The following CENPP variants were observed in gnomAD, a reference collection of about 807,000 sequenced individuals.
CENPP encodes centromere protein P.
CENPP carries 24 observed loss-of-function variants against 35.6 expected under a neutral mutation model. The ratio of observed to expected loss-of-function variants is 0.67; its 90% CI spans 0.49 to 0.95. CENPP has a LOEUF of 0.95. Ranked by LOEUF, CENPP falls within the 40% of genes least tolerant of loss-of-function variation. The pLI, the probability that CENPP is intolerant of heterozygous loss-of-function variation, is 0.00. For synonymous variants in CENPP, 120 were observed against 125.5 expected (o/e 0.96, Z 0.29); for missense variants, 332 against 345.3 (o/e 0.96, Z 0.31).
At chr9:92,493,962 G>C in intron 5 of CENPP, 1 of 815,938 alleles carries the variant, frequency 1.2e-6, no homozygotes, top group Non-Finnish European at 1.9e-6. Context: ...AGGCCGTTGA[G>C]GGTGGCCGTA....
At chr9:92,375,754 T>C (rs549998540) in intron 4 of CENPP, among the ~76,000 whole-genome samples, 1 of 152,200 alleles carries the variant, frequency 6.6e-6, no homozygotes, top group African/African-American at 2.4e-5. Context: ...CTTTGTTCTC[T>C]TGATTTTCTT....
intron 5 of CENPP, among the ~76,000 whole-genome samples, chr9:92,579,879 C>T (rs1850376675): frequency 6.8e-6 from 1 of 147,634 alleles, no homozygotes; most frequent in Admixed American, 6.7e-5. Flanking sequence ...TGTCTTGTGC[C>T]AGTTTTCAAA....
intron 5 of CENPP, among the ~76,000 whole-genome samples, chr9:92,453,926 C>T (rs941345469): frequency 3.3e-5 from 5 of 151,758 alleles, no homozygotes; most frequent in African/African-American, 1.2e-4. Context: ...TTGAGACCAG[C>T]CTGGACAATT....
chr9:92,457,317 T>G, intron 5 of CENPP: 3 of 1,613,998 alleles, frequency 1.9e-6, no homozygotes, highest in Non-Finnish European at 1.7e-6. Context: ...AGCTGAACGC[T>G]CATTCTGCTC....
At chr9:92,349,803 A>G (rs1441512871) in intron 4 of CENPP, among the ~76,000 whole-genome samples, 1 of 152,248 alleles carries the variant, frequency 6.6e-6, no homozygotes, top group East Asian at 1.9e-4. Flanking sequence ...TCATGCTGCT[A>G]CAAACATTCA....
intron 5 of CENPP, among the ~76,000 whole-genome samples, chr9:92,533,350 T>A (rs1275792258): frequency 3.8e-4 from 47 of 122,986 alleles, no homozygotes; most frequent in African/African-American, 1.4e-3. Flanking sequence ...TATATATATA[T>A]ATATATATGC....
At position 92,614,632 on chromosome 9, in the gene CENPP, T is replaced by A. The variant is rs1202825660; in HGVS notation, c.*1483T>A. 1 of 152,644 alleles carries A rather than the reference T, an allele frequency of 6.6e-6. No individual in the cohort carries two copies. 9.5% of individuals were successfully genotyped at this position (152,644 alleles called of 1,614,324 possible). A position where few individuals can be genotyped will look rare whatever the true frequency, so the allele number is the denominator to read the frequency against. On this transcript the variant is annotated 3_prime_UTR_variant, in exon 8 of 8. Transcript: ENST00000375587. ...AAAAATTTACAATCAGCAAAATAGT[T>A]TCCTTATTTCTCATGTATCATTTTC...
chr9:92,447,135 G>A (rs960138883), intron 5 of CENPP, among the ~76,000 whole-genome samples: 2 of 152,126 alleles, frequency 1.3e-5, no homozygotes, highest in Non-Finnish European at 2.9e-5. Flanking sequence ...CAGTTTTGTG[G>A]AATACAATTT....
chr9:92,437,813 G>A (rs922697341), intron 5 of CENPP, among the ~76,000 whole-genome samples: 2 of 151,658 alleles, frequency 1.3e-5, no homozygotes, highest in South Asian at 4.2e-4. Context: ...AGGCTGGAGT[G>A]CAGTGGCTCA....
chr9:92,558,010 A>G (rs1849764615), intron 5 of CENPP, among the ~76,000 whole-genome samples: 1 of 151,930 alleles, frequency 6.6e-6, no homozygotes, highest in Admixed American at 6.6e-5. Context: ...TCTTTAAGCT[A>G]TCTATTTCAT....
chr9:92,517,730 T>C (rs1166267704), intron 5 of CENPP: 3 of 1,614,200 alleles, frequency 1.9e-6, no homozygotes. Flanking sequence ...CAGGTATAAC[T>C]GTTTGGGGGC....
At chr9:92,610,159 G>A (rs920163428) in intron 5 of CENPP, among the ~76,000 whole-genome samples, 39 of 152,190 alleles carry the variant, frequency 2.6e-4, no homozygotes, top group African/African-American at 8.9e-4. Flanking sequence ...AGGTTTAAGC[G>A]ATTCTTCTGC....
At chr9:92,503,090 G>T (rs1846789811) in intron 5 of CENPP, among the ~76,000 whole-genome samples, 1 of 152,060 alleles carries the variant, frequency 6.6e-6, no homozygotes, top group South Asian at 2.1e-4. Flanking sequence ...TTACAGGAAA[G>T]TTGTCAAATT....
At chr9:92,343,160 A>G (rs913802675) in intron 3 of CENPP, among the ~76,000 whole-genome samples, 1 of 152,190 alleles carries the variant, frequency 6.6e-6, no homozygotes, top group South Asian at 2.1e-4. Flanking sequence ...ACTAAACATG[A>G]CCTCAAATCA....
chr9:92,368,009 G>T (rs1242821492), intron 4 of CENPP, among the ~76,000 whole-genome samples: 1 of 152,104 alleles, frequency 6.6e-6, no homozygotes, highest in African/African-American at 2.4e-5. Context: ...CTGGTAACTG[G>T]TATTTTGGTG....
At chr9:92,483,251 C>T (rs559774888) in intron 5 of CENPP, among the ~76,000 whole-genome samples, 146 of 148,750 alleles carry the variant, frequency 9.8e-4, no homozygotes, top group Admixed American at 4.7e-3. Flanking sequence ...TTTTTTGAGA[C>T]GGAGTCTCAC....
chr9:92,579,188 GT>G (rs1370761464), intron 5 of CENPP, among the ~76,000 whole-genome samples: 14 of 148,516 alleles, frequency 9.4e-5, no homozygotes, highest in African/African-American at 3.2e-4. Context: ...GTACCATGCT[GT>G]TTTGGTTACT....
chr9:92,412,824 T>A (rs912041583), intron 5 of CENPP, among the ~76,000 whole-genome samples: 2 of 152,192 alleles, frequency 1.3e-5, no homozygotes, highest in African/African-American at 4.8e-5. Context: ...ATACCACATT[T>A]TGTTTATCCA....
At chr9:92,549,251 T>A (rs771501180) in intron 5 of CENPP, among the ~76,000 whole-genome samples, 2 of 152,132 alleles carry the variant, frequency 1.3e-5, no homozygotes, top group Non-Finnish European at 2.9e-5. Flanking sequence ...AGCAGGCCGA[T>A]TTGGACTTAA....
Sources: allele counts gnomAD v4.1 joint callset (sites outside exome capture counted in the v4.1 genomes callset), GRCh38; gene constraint gnomAD v4.1.1; transcripts MANE v1.5; gene names NCBI Gene and HGNC (gene_info 2026-07-23, HGNC 2026-07-21).